Variants in JMJD1C observed in about 807,000 individuals in gnomAD.
JMJD1C encodes jumonji domain containing 1C.
Under a neutral mutation model 245.3 loss-of-function variants are expected in JMJD1C, and 31 were observed. The observed-to-expected ratio is 0.13, with a 90% CI of 0.09 to 0.17. The LOEUF (loss-of-function observed/expected upper bound fraction) is 0.17, where lower values mean the gene tolerates loss of function less well. Among genes scored for constraint, JMJD1C ranks in the 10% least tolerant of loss-of-function variants. The pLI, the probability that JMJD1C is intolerant of heterozygous loss-of-function variation, is 1.00. For synonymous variants in JMJD1C, 1,057 were observed against 1,017.4 expected, an observed-to-expected ratio of 1.04 and a Z score of -0.74; for missense variants, 2,691 against 3,000.2, an observed-to-expected ratio of 0.90 and a Z score of 2.41.
intron 23 of JMJD1C, chr10:63,176,909 A>T (rs1256072366): frequency 6.5e-6 from 1 of 153,452 alleles, no homozygotes; most frequent in Non-Finnish European, 1.4e-5. Context: ...TACATGGCTA[A>T]CCTTCTAACA....
At position 63,507,644 on chromosome 10, in the gene JMJD1C, CAA is replaced by C. The variant is rs34738955; in HGVS notation, n.113+14092_113+14093del. Among the ~76,000 whole-genome samples the C allele has an allele frequency of 2.7e-4, 16 of 58,770 alleles. No homozygotes were observed. In the South Asian group the frequency reaches 2.9e-3, roughly 11 times the overall value. 38.6% of individuals were successfully genotyped at this position (58,770 alleles called of 152,430 possible). Reference sequence around the variant, plus strand: ...TGGGCAACAGAGTAAGACTCTGTCTCAAAAAAAAAAAAAAAAAAACAGTGGCT... The same window carrying C: ...TGGGCAACAGAGTAAGACTCTGTCTCAAAAAAAAAAAAAAAAACAGTGGCT... On this transcript the variant is annotated intron_variant and non_coding_transcript_variant, in intron 1 of 3. Coordinates refer to the JMJD1C transcript ENST00000633035.
chr10:63,319,129 G>C (rs577878534), intron 2 of JMJD1C, among the ~76,000 whole-genome samples: 102 of 151,770 alleles, frequency 6.7e-4, no homozygotes, highest in African/African-American at 2.3e-3. Flanking sequence ...GTGTGGTGGT[G>C]GCCTGTAGTC....
At position 63,378,672 on chromosome 10, in the gene JMJD1C, T is replaced by C. The variant is rs151041891; in HGVS notation, c.333+1646A>G. ...TACTGATGTATAGTTTTTCATATTA[T>C]TGATGCTACTGCTTCGTGCTTTTGA... On this transcript the variant is annotated intron_variant, in intron 2 of 25. Transcript: ENST00000399262. Among the ~76,000 whole-genome samples the C allele has an allele frequency of 8.7e-3, 1,320 of 152,326 alleles. 9 individuals are homozygous for C. The highest frequency in any genetic ancestry group is 0.013 in the Non-Finnish European group (907 of 68,028).
intron 10 of JMJD1C, chr10:63,204,232 T>C (rs1336939666): frequency 1.0e-6 from 1 of 985,114 alleles, no homozygotes; most frequent in East Asian, 1.1e-4. Context: ...AATATTACTT[T>C]GGACTTGGTG....
At chr10:63,412,703 C>G (rs117337279) in intron 1 of JMJD1C, among the ~76,000 whole-genome samples, 1 of 152,216 alleles carries the variant, frequency 6.6e-6, no homozygotes, top group East Asian at 1.9e-4. Context: ...GATATTTTAA[C>G]TTTTTAAATA....
chr10:63,391,281 C>T (rs1340251132), intron 1 of JMJD1C, among the ~76,000 whole-genome samples: 1 of 151,972 alleles, frequency 6.6e-6, no homozygotes, highest in African/African-American at 2.4e-5. Flanking sequence ...GAGGCCGAGG[C>T]GGGTGGATCA....
chr10:63,223,634 CTTAT>C (rs894665630), intron 3 of JMJD1C, among the ~76,000 whole-genome samples: 35 of 152,272 alleles, frequency 2.3e-4, no homozygotes, highest in African/African-American at 8.4e-4. Context: ...TTATTTATAT[CTTAT>C]TTATTCAACA....
At chr10:63,225,126 C>T (rs545485440) in intron 3 of JMJD1C, among the ~76,000 whole-genome samples, 1 of 152,070 alleles carries the variant, frequency 6.6e-6, no homozygotes, top group African/African-American at 2.4e-5. Context: ...AAGACAGTAA[C>T]TATAAGTAGT....
chr10:63,341,872 A>G (rs1317851116), intron 2 of JMJD1C, among the ~76,000 whole-genome samples: 3 of 152,246 alleles, frequency 2.0e-5, no homozygotes, highest in Non-Finnish European at 2.9e-5. Flanking sequence ...AAGGTTTTCA[A>G]AAAAGGTGAA....
intron 1 of JMJD1C, among the ~76,000 whole-genome samples, chr10:63,393,338 C>T (rs964453089): frequency 6.6e-6 from 1 of 152,044 alleles, no homozygotes; most frequent in Non-Finnish European, 1.5e-5. Flanking sequence ...TTAACCACAA[C>T]GAGATCTTAC....
At chr10:63,405,290 T>C (rs1360281799) in intron 1 of JMJD1C, among the ~76,000 whole-genome samples, 1 of 151,070 alleles carries the variant, frequency 6.6e-6, no homozygotes. Context: ...AATTCAAACC[T>C]GAGTCTACTT....
intron 2 of JMJD1C, among the ~76,000 whole-genome samples, chr10:63,355,363 CAT>C (rs1471654799): frequency 6.6e-6 from 1 of 152,180 alleles, no homozygotes; most frequent in Non-Finnish European, 1.5e-5. Context: ...ACCAGTTTTA[CAT>C]ATACTCATTT....
At position 63,222,910 on chromosome 10, in the gene JMJD1C, C is replaced by A; in HGVS notation, c.448-2927G>T. On this transcript the variant is annotated intron_variant, in intron 3 of 25. Coordinates refer to ENST00000399262, the MANE Select transcript of JMJD1C (RefSeq NM_032776.3). ...CCAAAAAGAAGTGGGAAAGTGGGCACTGCTTAAAAGACAGAAATGAACCCT... is the reference window on the plus strand; with the variant it reads ...CCAAAAAGAAGTGGGAAAGTGGGCAATGCTTAAAAGACAGAAATGAACCCT... The A allele has an allele frequency of 4.7e-6, 7 of 1,500,852 alleles. No homozygotes were observed. The Admixed American group carries it at 6.7e-5, about 14-fold the overall frequency. The allele number at this position is 1,500,852 out of a possible 1,614,324, so 93.0% of individuals were successfully genotyped here.
Position 63,465,678 on chromosome 10 carries a change from A to G in JMJD1C, c.-16T>C, listed in dbSNP as rs1160345506. The G allele has an allele frequency of 1.2e-6, 2 of 1,606,460 alleles. No homozygotes were observed. The highest frequency in any genetic ancestry group is 1.7e-5 in the Admixed American group (1 of 59,986). On this transcript the variant is annotated 5_prime_UTR_variant, in exon 1 of 26. Coordinates refer to ENST00000399262, the MANE Select transcript of JMJD1C (RefSeq NM_032776.3). ...CTACCGCCATAGCTGTCGCTGCCGA[A>G]GCGGCCGCTGCCTCCTCCAGTGCGA... is the stretch of plus-strand genomic sequence containing the variant.
intron 24 of JMJD1C, among the ~76,000 whole-genome samples, chr10:63,172,781 G>A (rs149674394): frequency 3.2e-4 from 48 of 150,998 alleles, no homozygotes; most frequent in African/African-American, 1.2e-3. Flanking sequence ...ACAGAAAAAC[G>A]ATTCCAAGCA....
At chr10:63,192,484 C>G (rs1051199143) in intron 16 of JMJD1C, among the ~76,000 whole-genome samples, 2 of 152,158 alleles carry the variant, frequency 1.3e-5, no homozygotes, top group Admixed American at 6.5e-5. Flanking sequence ...AGGACAATCA[C>G]TTAAACCTGG....
chr10:63,297,710 G>T (rs1383725057), intron 2 of JMJD1C, among the ~76,000 whole-genome samples: 3 of 152,126 alleles, frequency 2.0e-5, no homozygotes, highest in African/African-American at 7.2e-5. Flanking sequence ...GCCACCCCAT[G>T]GGATGGGAAA....
chr10:63,489,839 C>A (rs777072579), intron 1 of JMJD1C, among the ~76,000 whole-genome samples: 1 of 152,094 alleles, frequency 6.6e-6, no homozygotes, highest in Admixed American at 6.5e-5. Flanking sequence ...TACCAGGGGT[C>A]CCCATCCCCC....
chr10:63,510,956 C>T (rs1224427803), intron 1 of JMJD1C, among the ~76,000 whole-genome samples: 3 of 152,202 alleles, frequency 2.0e-5, no homozygotes, highest in African/African-American at 4.8e-5. Context: ...TCCCTGATAA[C>T]GTACAGTGCT....
Sources: allele counts gnomAD v4.1 joint callset (sites outside exome capture counted in the v4.1 genomes callset), GRCh38; gene constraint gnomAD v4.1.1; transcripts MANE v1.5; gene names NCBI Gene and HGNC (gene_info 2026-07-23, HGNC 2026-07-21).